Variants in PDE1C observed in about 807,000 individuals in gnomAD.
PDE1C encodes dual specificity calcium/calmodulin-dependent 3',5'-cyclic nucleotide phosphodiesterase 1C.
Under a neutral mutation model 93.1 loss-of-function variants are expected in PDE1C, and 62 were observed. That is an observed-to-expected ratio of 0.67 (90% CI 0.54 to 0.82). The LOEUF is 0.82. PDE1C is among the 40% of genes least tolerant of loss of function. The pLI is 0.00. For missense variants in PDE1C, 742 were observed against 884.6 expected, an observed-to-expected ratio of 0.84 and a Z score of 2.04; for synonymous variants, 325 against 310.1, an observed-to-expected ratio of 1.05 and a Z score of -0.50.
intron 1 of PDE1C, among the ~76,000 whole-genome samples, chr7:32,231,994 C>A (rs73687109): frequency 0.11 from 15,951 of 150,564 alleles, 905 homozygotes; most frequent in East Asian, 0.13. Flanking sequence ...CACACACACA[C>A]ACATATATGA....
intron 2 of PDE1C, among the ~76,000 whole-genome samples, chr7:32,002,574 AC>A (rs34563030): frequency 0.18 from 27,807 of 152,118 alleles, 2,778 homozygotes; most frequent in Non-Finnish European, 0.23. Flanking sequence ...CATAAAAAGC[AC>A]TTAACAAATG....
chr7:32,014,095 G>T (rs569003427), intron 2 of PDE1C, among the ~76,000 whole-genome samples: 7 of 152,334 alleles, frequency 4.6e-5, no homozygotes, highest in Non-Finnish European at 7.3e-5. Flanking sequence ...CAAAGAGACT[G>T]GTCGGGATAG....
chr7:32,290,518 G>T (rs1812267524), intron 1 of PDE1C, among the ~76,000 whole-genome samples: 1 of 152,104 alleles, frequency 6.6e-6, no homozygotes, highest in African/African-American at 2.4e-5. Context: ...AGAAGGAATC[G>T]CTATCCCCAT....
At chr7:31,657,054 C>T in the PDE1C span, among the ~76,000 whole-genome samples, 102,529 of 136,604 alleles carry the variant, frequency 0.75, 36,966 homozygotes, top group East Asian at 0.84. Context: ...CACACACACA[C>T]GCACTATATA....
intron 2 of PDE1C, 81 bp from the exon 3 acceptor site, chr7:31,880,941 G>A: frequency 1.1e-6 from 1 of 876,956 alleles, no homozygotes; most frequent in African/African-American, 1.7e-5. Context: ...ACATTTTACA[G>A]TCATCGAATA....
In PDE1C at chr7:32,183,990, T is replaced by C. The variant is rs1363505298; in HGVS notation, c.137-14034A>G. 2.5e-3 allele frequency among the ~76,000 whole-genome samples: 375 copies of C among 152,136 alleles called. 2 individuals are homozygous for C. The highest frequency in any genetic ancestry group is 8.6e-3 in the African/African-American group (356 of 41,418). ...ACCCCATCAAAAAGTGGGCAAAGGATATGAACAGACACTTCTCAATAGAAG... is the reference window on the plus strand; with the variant it reads ...ACCCCATCAAAAAGTGGGCAAAGGACATGAACAGACACTTCTCAATAGAAG... On this transcript the variant is annotated intron_variant, in intron 2 of 18. Coordinates refer to the PDE1C transcript ENST00000396193.
At chr7:32,209,371 T>C in intron 2 of PDE1C, 2 of 835,914 alleles carry the variant, frequency 2.4e-6, no homozygotes, top group Non-Finnish European at 3.7e-6. Context: ...TGATATTTCC[T>C]GCATTACTAT....
At chr7:32,420,650 T>G (rs901335961) in intron 1 of PDE1C, among the ~76,000 whole-genome samples, 1 of 151,946 alleles carries the variant, frequency 6.6e-6, no homozygotes, top group African/African-American at 2.4e-5. Flanking sequence ...TCAAGTAATG[T>G]GAAAACTGTG....
At chr7:31,991,322 G>T (rs1435392652) in intron 2 of PDE1C, among the ~76,000 whole-genome samples, 1 of 152,162 alleles carries the variant, frequency 6.6e-6, no homozygotes, top group Non-Finnish European at 1.5e-5. Flanking sequence ...ACGAGGTTAG[G>T]CCCTCTGAGG....
intron 1 of PDE1C, among the ~76,000 whole-genome samples, chr7:32,366,519 A>G (rs887951408): frequency 2.0e-5 from 3 of 152,206 alleles, no homozygotes; most frequent in African/African-American, 7.2e-5. Context: ...CTAATAGCTG[A>G]AAACCTCCCA....
At chr7:32,206,314 C>T (rs767037798) in intron 2 of PDE1C, among the ~76,000 whole-genome samples, 21 of 152,142 alleles carry the variant, frequency 1.4e-4, no homozygotes, top group Non-Finnish European at 1.5e-4. Flanking sequence ...TTTATGCAGT[C>T]TTCAATCAGC....
In PDE1C at chr7:32,403,503, G is replaced by T. The variant is rs144775668; in HGVS notation, c.310+24319C>A. Reference sequence around the variant, plus strand: ...TGTTAAGGCTTGAAGACACAAGGAAGAAGTCATGTCATCAATGTAAACTAG... The same window carrying T: ...TGTTAAGGCTTGAAGACACAAGGAATAAGTCATGTCATCAATGTAAACTAG... On this transcript the variant is annotated intron_variant, in intron 1 of 1. Coordinates refer to the PDE1C transcript ENST00000672256. Among the ~76,000 whole-genome samples, 109 of 152,324 alleles carry T rather than the reference G, an allele frequency of 7.2e-4. 1 individual carries two copies. The East Asian group carries it at 0.017, about 24-fold the overall frequency.
At chr7:32,366,076 C>T (rs1585127349) in intron 1 of PDE1C, among the ~76,000 whole-genome samples, 1 of 151,862 alleles carries the variant, frequency 6.6e-6, no homozygotes, top group African/African-American at 2.4e-5. Flanking sequence ...AATAACAGAC[C>T]CCAATCATAA....
chr7:32,002,533 T>A (rs965064625), intron 2 of PDE1C, among the ~76,000 whole-genome samples: 1 of 152,122 alleles, frequency 6.6e-6, no homozygotes, highest in African/African-American at 2.4e-5. Context: ...AATGAGAGTA[T>A]AGGTGAAAAA....
At chr7:32,049,212 A>T (rs1263769982) in intron 2 of PDE1C, among the ~76,000 whole-genome samples, 1 of 152,184 alleles carries the variant, frequency 6.6e-6, no homozygotes, top group African/African-American at 2.4e-5. Flanking sequence ...AACCTGAACA[A>T]GACAGAATTG....
intron 1 of PDE1C, among the ~76,000 whole-genome samples, chr7:32,348,356 C>CTTTTTTT (rs59148183): frequency 3.5e-5 from 2 of 57,340 alleles, no homozygotes; most frequent in African/African-American, 6.2e-5. Flanking sequence ...AACAAATGTG[C>CTTTTTTT]TTTTTTTTTT....
the PDE1C span, among the ~76,000 whole-genome samples, chr7:31,710,428 G>A: frequency 6.6e-6 from 1 of 152,282 alleles, no homozygotes; most frequent in African/African-American, 2.4e-5. Flanking sequence ...AATTTCTAAT[G>A]CCTAATTATC....
the PDE1C span, among the ~76,000 whole-genome samples, chr7:31,667,778 T>C: frequency 2.0e-5 from 3 of 151,976 alleles, no homozygotes; most frequent in African/African-American, 7.3e-5. Flanking sequence ...AGTTGAAACA[T>C]GACTGAGGCA....
chr7:32,282,391 G>A (rs186349188), intron 1 of PDE1C, among the ~76,000 whole-genome samples: 70 of 150,830 alleles, frequency 4.6e-4, no homozygotes, highest in Non-Finnish European at 9.2e-4. Context: ...CAGGAGAATC[G>A]CTTGAACCCA....
Sources: allele counts gnomAD v4.1 joint callset (sites outside exome capture counted in the v4.1 genomes callset), GRCh38; gene constraint gnomAD v4.1.1; transcripts MANE v1.5; gene names NCBI Gene and HGNC (gene_info 2026-07-23, HGNC 2026-07-21).